TMC1: variants seen among roughly 807,000 people sequenced by gnomAD.
TMC1 encodes transmembrane channel like 1, also known as transmembrane channel-like protein 1.
In TMC1, 84 loss-of-function variants were observed where a neutral mutation model predicts 105.8. The ratio of observed to expected loss-of-function variants is 0.79; its 90% CI spans 0.67 to 0.95. TMC1 has a LOEUF of 0.95. Among genes scored for constraint, TMC1 ranks in the 40% least tolerant of loss-of-function variants. The pLI is 0.00. For synonymous variants in TMC1, 315 were observed against 311.5 expected, an observed-to-expected ratio of 1.01 and a Z score of -0.12; for missense variants, 817 against 914.1, an observed-to-expected ratio of 0.89 and a Z score of 1.37.
chr9:72,731,676 T>C (rs1346633440), intron 8 of TMC1, among the ~76,000 whole-genome samples: 1 of 152,228 alleles, frequency 6.6e-6, no homozygotes, highest in Non-Finnish European at 1.5e-5. Context: ...AATTCTGCAC[T>C]GCAGACGTGA....
At chr9:72,565,421 A>G (rs1460003995) in intron 1 of TMC1, among the ~76,000 whole-genome samples, 2 of 152,204 alleles carry the variant, frequency 1.3e-5, no homozygotes, top group Non-Finnish European at 2.9e-5. Flanking sequence ...AGAAGCACAA[A>G]TTGAAAGTGA....
chr9:72,526,458 T>C (rs1823409496), intron 1 of TMC1, among the ~76,000 whole-genome samples: 1 of 152,178 alleles, frequency 6.6e-6, no homozygotes, highest in African/African-American at 2.4e-5. Flanking sequence ...TAAGCCTGGT[T>C]CTCCAAAACT....
At chr9:72,710,486 C>T (rs567876384) in intron 8 of TMC1, among the ~76,000 whole-genome samples, 4 of 152,264 alleles carry the variant, frequency 2.6e-5, no homozygotes, top group African/African-American at 9.6e-5. Context: ...TATCTCATTT[C>T]TGAGGTCTAG....
chr9:72,683,282 T>C (rs1826317016), intron 5 of TMC1, among the ~76,000 whole-genome samples: 1 of 126,318 alleles, frequency 7.9e-6, no homozygotes, highest in Non-Finnish European at 1.6e-5. Context: ...ATTTACTTTT[T>C]GTTTGGTTTT....
chr9:72,605,207 G>A (rs1276370920), intron 2 of TMC1, among the ~76,000 whole-genome samples: 1 of 152,094 alleles, frequency 6.6e-6, no homozygotes, highest in Non-Finnish European at 1.5e-5. Context: ...CAACTGAGGG[G>A]TTATCATTTA....
At chr9:72,717,920 G>T (rs1469276703) in intron 8 of TMC1, among the ~76,000 whole-genome samples, 1 of 151,962 alleles carries the variant, frequency 6.6e-6, no homozygotes, top group African/African-American at 2.4e-5. Context: ...CTTCCTTAGG[G>T]ACTCCACTTA....
At chr9:72,665,862 A>G (rs893693703) in intron 5 of TMC1, among the ~76,000 whole-genome samples, 1 of 152,182 alleles carries the variant, frequency 6.6e-6, no homozygotes, top group East Asian at 1.9e-4. Flanking sequence ...GGGAGGGAAC[A>G]TTTTCCCACT....
intron 2 of TMC1, among the ~76,000 whole-genome samples, chr9:72,613,494 C>T (rs11143347): frequency 6.6e-6 from 1 of 152,122 alleles, no homozygotes; most frequent in Non-Finnish European, 1.5e-5. Context: ...TCCTCCATAA[C>T]TTAGTCTTTT....
chr9:72,648,698 T>C, intron 5 of TMC1, 34 bp downstream of exon 5: 2 of 1,584,072 alleles, frequency 1.3e-6, no homozygotes, highest in East Asian at 2.2e-5. Context: ...TGTAGGACAC[T>C]ATGTCTTTCT....
At chr9:72,743,038 C>T (rs979411964) in intron 10 of TMC1, among the ~76,000 whole-genome samples, 5 of 152,056 alleles carry the variant, frequency 3.3e-5, no homozygotes, top group African/African-American at 1.2e-4. Context: ...GAGTTCGAGA[C>T]CAGCCTGGCC....
In TMC1 at chr9:72,772,447, A is replaced by G. The variant is rs1484217328; in HGVS notation, c.776A>G (p.Tyr259Cys). 1 of 1,613,832 alleles carries G rather than the reference A, an allele frequency of 6.2e-7. No homozygotes were observed. The highest frequency in any genetic ancestry group is 8.5e-7 in the Non-Finnish European group (1 of 1,179,862). ...CAATATTCCGTTCTCTTTTATGGCTATTATGACAATAAACGAACAATTGGA... is the reference window on the plus strand; with the variant it reads ...CAATATTCCGTTCTCTTTTATGGCTGTTATGACAATAAACGAACAATTGGA... ...LAQYSVLFYG[Y>C]YDNKRTIGWM... is the part of the protein sequence containing the mutation. The change falls in exon 13 of 24, where the codon TAT (tyrosine) becomes TGT (cysteine). Residue 259 changes from tyrosine (Y) to cysteine (C), a missense_variant. By Grantham distance (194) the Tyr-to-Cys change is radical. Transcript: ENST00000297784.
At chr9:72,754,251 A>G (rs973032525) in intron 11 of TMC1, among the ~76,000 whole-genome samples, 6 of 152,122 alleles carry the variant, frequency 3.9e-5, no homozygotes, top group African/African-American at 1.4e-4. Context: ...AATTTGAGGC[A>G]GCAGTCCTGA....
chr9:72,648,458 G>C (rs1825750279), intron 4 of TMC1, 139 bp from the exon 5 acceptor site: 1 of 645,662 alleles, frequency 1.5e-6, no homozygotes, highest in Non-Finnish European at 2.8e-6. Context: ...AAACATTCGT[G>C]AAAATTTAAT....
At chr9:72,620,281 G>A (rs184880682) in intron 3 of TMC1, among the ~76,000 whole-genome samples, 70 of 151,608 alleles carry the variant, frequency 4.6e-4, no homozygotes, top group Middle Eastern at 6.8e-3. Context: ...TGGCTCTGTT[G>A]CCCAGACGGG....
chr9:72,582,493 A>T (rs1193699699), intron 2 of TMC1, among the ~76,000 whole-genome samples: 1 of 152,184 alleles, frequency 6.6e-6, no homozygotes, highest in African/African-American at 2.4e-5. Flanking sequence ...CCAGGAGCAG[A>T]TCTACTTCTC....
rs71495328 is a variant in TMC1, at chr9:72,650,872, T to TTATATATATATATATATATA, written c.16+2218_16+2219insTATATATATATATATATATA. Among the ~76,000 whole-genome samples, 415 of 119,552 alleles carry TTATATATATATATATATATA rather than the reference T, an allele frequency of 3.5e-3. 4 individuals are homozygous for TTATATATATATATATATATA. The highest frequency in any genetic ancestry group is 5.3e-3 in the Non-Finnish European group (306 of 57,616). The allele number at this position is 119,552 out of a possible 152,430, so 78.4% of individuals were successfully genotyped here. Reference sequence around the variant, plus strand: ...GCTGCATGGTATTTCATGGTGTATTTTATATATATAGATATATAGATATAT... The same window carrying TTATATATATATATATATATA: ...GCTGCATGGTATTTCATGGTGTATTTTATATATATATATATATATATATATATATAGATATATAGATATAT... On this transcript the variant is annotated intron_variant, in intron 5 of 23. Transcript: ENST00000297784.
intron 1 of TMC1, among the ~76,000 whole-genome samples, chr9:72,546,872 C>T (rs527719497): frequency 6.6e-6 from 1 of 152,194 alleles, no homozygotes; most frequent in South Asian, 2.1e-4. Flanking sequence ...AAAGTTGGTA[C>T]TCATTTCTTA....
chr9:72,722,827 G>A (rs951752476), intron 8 of TMC1, among the ~76,000 whole-genome samples: 9 of 152,206 alleles, frequency 5.9e-5, no homozygotes, highest in African/African-American at 9.6e-5. Context: ...GCCAATTTCC[G>A]TGGTGTAAAT....
chr9:72,798,980 C>T (rs1276244535), intron 17 of TMC1, among the ~76,000 whole-genome samples: 1 of 151,904 alleles, frequency 6.6e-6, no homozygotes, highest in Non-Finnish European at 1.5e-5. Context: ...TAAATAACCC[C>T]AGCCCAAGAC....
Sources: allele counts gnomAD v4.1 joint callset (sites outside exome capture counted in the v4.1 genomes callset), GRCh38; gene constraint gnomAD v4.1.1; transcripts MANE v1.5; gene names NCBI Gene and HGNC (gene_info 2026-07-23, HGNC 2026-07-21).